JPH3: variants seen among roughly 807,000 people sequenced by gnomAD.
JPH3 encodes the protein junctophilin 3.
Under a neutral mutation model 59.6 loss-of-function variants are expected in JPH3, and 11 were observed. The ratio of observed to expected loss-of-function variants is 0.18; its 90% CI spans 0.12 to 0.31. JPH3 has a LOEUF of 0.31. Among genes scored for constraint, JPH3 ranks in the 10% least tolerant of loss-of-function variants. The pLI is 1.00. For missense variants in JPH3, 1,202 were observed against 1,105.7 expected (o/e 1.09, Z -1.24); for synonymous variants, 673 against 483.6 (o/e 1.39, Z -5.14).
At chr16:87,650,248 GTGATCAGTGGTCTT>G (rs1356398912) in intron 2 of JPH3, among the ~76,000 whole-genome samples, 2 of 152,220 alleles carry the variant, frequency 1.3e-5, no homozygotes, top group Non-Finnish European at 2.9e-5. Flanking sequence ...ATGGTGATCT[GTGATCAGTGGTCTT>G]TGAGGTTACT....
intron 2 of JPH3, among the ~76,000 whole-genome samples, chr16:87,679,690 G>C (rs1047964039): frequency 6.6e-6 from 1 of 152,250 alleles, no homozygotes; most frequent in Admixed American, 6.5e-5. Flanking sequence ...TGTGGGTCTG[G>C]GCTGGGTGTT....
chr16:87,603,495 G>T lies in JPH3; in HGVS notation c.349G>T (p.Asp117Tyr). ...YEGTWSNGLQ[D>Y]GYGTETYSDG... ...AGGGACCTGGAGCAACGGGCTGCAG[G>T]ACGGCTACGGGACCGAGACCTACTC... The change falls in exon 1 of 5, where the codon GAC becomes TAC. Residue 117 changes from aspartate (D) to tyrosine (Y), a missense_variant. Coordinates refer to ENST00000284262, the MANE Select transcript of JPH3 (RefSeq NM_020655.4). 6.4e-7 allele frequency: 1 copy of T among 1,552,328 alleles called. No homozygotes were observed.
chr16:87,615,438 G>A (rs532914960), intron 1 of JPH3, among the ~76,000 whole-genome samples: 1 of 152,328 alleles, frequency 6.6e-6, no homozygotes, highest in Admixed American at 6.5e-5. Flanking sequence ...AGCTCGGCAT[G>A]GACTTGAGTG....
intron 2 of JPH3, among the ~76,000 whole-genome samples, chr16:87,656,538 A>G (rs910457030): frequency 1.1e-4 from 16 of 152,316 alleles, no homozygotes; most frequent in Admixed American, 1.0e-3. Context: ...GGCCGGGCCC[A>G]GTTTCCAGGC....
intron 2 of JPH3, among the ~76,000 whole-genome samples, chr16:87,681,974 G>T (rs1597287643): frequency 6.6e-6 from 1 of 152,240 alleles, no homozygotes; most frequent in South Asian, 2.1e-4. Context: ...GAAAGCTGTG[G>T]ACCCTCTGCT....
chr16:87,677,185 T>TATATACACACACACACACACAC (rs1491266129), intron 2 of JPH3, among the ~76,000 whole-genome samples: 5 of 95,196 alleles, frequency 5.3e-5, no homozygotes, highest in South Asian at 3.7e-4. Flanking sequence ...TATATATATA[T>TATATACACACACACACACACAC]ACACACACAC....
intron 1 of JPH3, among the ~76,000 whole-genome samples, chr16:87,622,553 C>G (rs539713825): frequency 3.2e-4 from 48 of 152,278 alleles, no homozygotes; most frequent in Middle Eastern, 3.4e-3. Context: ...CTCTGTGAGG[C>G]TGTGGCTGGG....
At chr16:87,670,679 G>C (rs535750889) in intron 2 of JPH3, among the ~76,000 whole-genome samples, 42 of 152,388 alleles carry the variant, frequency 2.8e-4, no homozygotes, top group African/African-American at 1.0e-3. Context: ...CGGTCCTCAG[G>C]GACCCGGCGG....
In JPH3 at chr16:87,689,717, C is replaced by T; in HGVS notation, c.1357C>T (p.Leu453=). The change falls in exon 4 of 5, where the codon CTG becomes TTG. Residue 453 remains leucine, a synonymous_variant. Transcript: ENST00000284262. ...CGAGGTGCTGTCCACCGGGACACCC[C>T]TGCAGCAGGAGAGCCCCGAGCTGTA... is the stretch of plus-strand genomic sequence containing the variant. ...DIEVLSTGTP[L]QQESPELYRK... is the part of the protein sequence containing the mutation. 2 of 1,612,548 alleles carry T rather than the reference C, an allele frequency of 1.2e-6. No homozygotes were observed. The highest frequency in any genetic ancestry group is 1.7e-6 in the Non-Finnish European group (2 of 1,179,808).
chr16:87,689,848 C>G lies in JPH3; in HGVS notation c.1488C>G (p.Asn496Lys). Reference protein sequence around the residue: ...ATPPPAPAARNKVAHFSRQVS... With the variant: ...ATPPPAPAARKKVAHFSRQVS... ...CGCCGCCCGCGCCCGCCGCCAGGAACAAGGTCGCCCACTTCTCGAGGCAGG... is the reference window on the plus strand; with the variant it reads ...CGCCGCCCGCGCCCGCCGCCAGGAAGAAGGTCGCCCACTTCTCGAGGCAGG... Residue 496 changes from asparagine to lysine, a missense_variant, in exon 4 of 5, where the codon AAC (asparagine) becomes AAG (lysine). Transcript: ENST00000284262. 1 of 1,524,014 alleles carries G rather than the reference C, an allele frequency of 6.6e-7. No homozygotes were observed. Among genetic ancestry groups the G allele is most frequent in the Non-Finnish European group, 8.8e-7 (1 of 1,136,452 alleles). The allele number at this position is 1,524,014 out of a possible 1,614,324, so 94.4% of individuals were successfully genotyped here.
rs34975147 is a variant in JPH3, at chr16:87,644,970, C to T, written c.1095C>T (p.Arg365=). 48,431 of 1,610,588 alleles carry T rather than the reference C, an allele frequency of 0.03. 902 individuals are homozygous for T. Among genetic ancestry groups the T allele is most frequent in the Non-Finnish European group, 0.035 (41,724 of 1,179,820 alleles). The change falls in exon 2 of 5, where the codon CGC becomes CGT. Residue 365 remains arginine, a synonymous_variant. Transcript: ENST00000284262. ...RASKIREKVD[R]AVEAAERAAT... ...GCAAGATCCGCGAGAAGGTGGACCG[C>T]GCCGTTGAGGCCGCTGAGCGGGCCG... is the stretch of plus-strand genomic sequence containing the variant.
chr16:87,690,459 C>A lies in JPH3; in HGVS notation c.2099C>A (p.Pro700His). ...LLRWDLTFSPPQKSLPVALES... is the reference protein window; with the variant it reads ...LLRWDLTFSPHQKSLPVALES... ...CGTTGGGACTTGACCTTCTCCCCGCCCCAGAAATCCTTGCCTGTCGCTCTA... is the reference window on the plus strand; with the variant it reads ...CGTTGGGACTTGACCTTCTCCCCGCACCAGAAATCCTTGCCTGTCGCTCTA... The change falls in exon 4 of 5, where the codon CCC (proline) becomes CAC (histidine). Residue 700 changes from proline to histidine, a missense_variant. Transcript: ENST00000284262. 6.7e-7 allele frequency: 1 copy of A among 1,486,626 alleles called. No individual in the cohort carries two copies. The highest frequency in any genetic ancestry group is 8.9e-7 in the Non-Finnish European group (1 of 1,120,074). 92.1% of individuals were successfully genotyped at this position (1,486,626 alleles called of 1,614,324 possible).
chr16:87,625,846 A>T (rs1283443523), intron 1 of JPH3, among the ~76,000 whole-genome samples: 2 of 151,856 alleles, frequency 1.3e-5, no homozygotes, highest in Admixed American at 6.6e-5. Context: ...AGACAGCGCA[A>T]AGTTCCTATG....
At chr16:87,687,295 G>A (rs965541536) in intron 3 of JPH3, among the ~76,000 whole-genome samples, 6 of 152,168 alleles carry the variant, frequency 3.9e-5, no homozygotes, top group Non-Finnish European at 5.9e-5. Flanking sequence ...TTGCCAGAGC[G>A]CTCAGGCAGG....
chr16:87,663,750 C>T (rs765020340), intron 2 of JPH3, among the ~76,000 whole-genome samples: 20 of 152,224 alleles, frequency 1.3e-4, no homozygotes, highest in Admixed American at 2.6e-4. Flanking sequence ...GCCCACCTCC[C>T]TCGGTAAACT....
intron 1 of JPH3, among the ~76,000 whole-genome samples, chr16:87,616,941 C>G (rs7196630): frequency 6.6e-6 from 1 of 152,180 alleles, no homozygotes; most frequent in African/African-American, 2.4e-5. Flanking sequence ...TAGTTCGTTC[C>G]AGGCTGGGCT....
At chr16:87,687,761 C>T (rs1421128976) in intron 3 of JPH3, among the ~76,000 whole-genome samples, 1 of 152,180 alleles carries the variant, frequency 6.6e-6, no homozygotes, top group Non-Finnish European at 1.5e-5. Context: ...GTCGGGGCCC[C>T]TCTAGCGTGG....
At chr16:87,668,262 A>C (rs1031136669) in intron 2 of JPH3, among the ~76,000 whole-genome samples, 1 of 151,988 alleles carries the variant, frequency 6.6e-6, no homozygotes, top group Non-Finnish European at 1.5e-5. Context: ...CATGCGTCTG[A>C]CAGCAGCGCT....
At chr16:87,662,005 G>A (rs963160225) in intron 2 of JPH3, among the ~76,000 whole-genome samples, 9 of 152,196 alleles carry the variant, frequency 5.9e-5, no homozygotes, top group African/African-American at 1.2e-4. Flanking sequence ...TAATTCAGGC[G>A]GCTATGCATG....
Sources: gnomAD v4.1 joint callset for allele counts (sites outside exome capture counted in the v4.1 genomes callset) on GRCh38, gnomAD v4.1.1 for gene constraint, MANE v1.5 for transcripts, NCBI Gene and HGNC (gene_info 2026-07-23, HGNC 2026-07-21) for gene names.